TBC1D22A: variants seen among roughly 807,000 people sequenced by gnomAD.
TBC1D22A encodes TBC1 domain family member 22A, also known as putative GTPase activator.
A neutral mutation model predicts 60.2 loss-of-function variants in TBC1D22A; 38 were observed. That is an observed-to-expected ratio of 0.63 (90% confidence interval 0.49 to 0.83). The LOEUF is 0.83. Among genes scored for constraint, TBC1D22A ranks in the 40% least tolerant of loss-of-function variants. The pLI, the probability that TBC1D22A is intolerant of heterozygous loss-of-function variation, is 0.00. For missense variants in TBC1D22A, 628 were observed against 701.0 expected (o/e 0.90, Z 1.18); for synonymous variants, 302 against 281.7 (o/e 1.07, Z -0.72).
At chr22:46,780,978 C>T (rs932590456) in intron 1 of TBC1D22A, among the ~76,000 whole-genome samples, 6 of 152,110 alleles carry the variant, frequency 3.9e-5, no homozygotes, top group African/African-American at 1.4e-4. Flanking sequence ...GTAAAGACAG[C>T]TCTGGGCACA....
rs1364592563 is a variant in TBC1D22A, at chr22:47,077,242, A to C, written c.1330-34266A>C. ...GGCCATTCCCCAACTCTCTGTGTGC[A>C]TTCACTACTCTTGTACATACTATCT... On this transcript the variant is annotated intron_variant, in intron 11 of 12. Coordinates refer to ENST00000337137, the MANE Select transcript of TBC1D22A (RefSeq NM_014346.5). 2.0e-5 allele frequency among the ~76,000 whole-genome samples: 3 copies of C among 152,190 alleles called. No homozygotes were observed. In the South Asian group the frequency reaches 6.2e-4, roughly 32 times the overall value.
intron 10 of TBC1D22A, among the ~76,000 whole-genome samples, chr22:46,999,366 A>G (rs1379780569): frequency 6.6e-6 from 1 of 152,224 alleles, no homozygotes; most frequent in Non-Finnish European, 1.5e-5. Context: ...TTAAAGGATC[A>G]GTGCTTCACA....
intron 12 of TBC1D22A, among the ~76,000 whole-genome samples, chr22:47,160,019 CACATGTGCAT>C (rs1305700197): frequency 2.0e-5 from 3 of 152,122 alleles, no homozygotes; most frequent in Non-Finnish European, 4.4e-5. Flanking sequence ...ACCATATACA[CACATGTGCAT>C]CACACACCAC....
intron 4 of TBC1D22A, among the ~76,000 whole-genome samples, chr22:46,852,044 T>G (rs960622703): frequency 6.6e-6 from 1 of 152,142 alleles, no homozygotes; most frequent in African/African-American, 2.4e-5. Context: ...TCGTGGGCAC[T>G]GTGGTGGGGC....
intron 4 of TBC1D22A, among the ~76,000 whole-genome samples, chr22:46,830,653 G>T (rs1208986311): frequency 6.6e-6 from 1 of 152,238 alleles, no homozygotes; most frequent in Non-Finnish European, 1.5e-5. Flanking sequence ...CAATGGGCAG[G>T]AATGTATAAT....
chr22:46,871,481 A>G (rs112071720), intron 4 of TBC1D22A, among the ~76,000 whole-genome samples: 193 of 152,372 alleles, frequency 1.3e-3, no homozygotes, highest in Non-Finnish European at 2.4e-3. Context: ...TATAGTAAAT[A>G]TCAGAGGGTT....
At chr22:46,985,528 A>G (rs561857309) in intron 9 of TBC1D22A, among the ~76,000 whole-genome samples, 58 of 152,370 alleles carry the variant, frequency 3.8e-4, no homozygotes, top group African/African-American at 1.3e-3. Flanking sequence ...AATGAAAATT[A>G]AAAAATTCAA....
At chr22:47,153,512 C>T (rs957974435) in intron 12 of TBC1D22A, among the ~76,000 whole-genome samples, 18 of 151,002 alleles carry the variant, frequency 1.2e-4, no homozygotes, top group Non-Finnish European at 2.5e-4. Flanking sequence ...GAAGGGGGCC[C>T]GGTCTGCCTG....
intron 11 of TBC1D22A, among the ~76,000 whole-genome samples, chr22:47,056,231 C>T (rs770116969): frequency 1.5e-4 from 23 of 151,954 alleles, no homozygotes; most frequent in Non-Finnish European, 3.1e-4. Flanking sequence ...GTAGACTGCT[C>T]GCCTTCCTCC....
chr22:46,819,904 T>C (rs1602003882), intron 4 of TBC1D22A, among the ~76,000 whole-genome samples: 1 of 152,202 alleles, frequency 6.6e-6, no homozygotes, highest in African/African-American at 2.4e-5. Context: ...AATTACTGCC[T>C]CAATTTCAGA....
At chr22:46,985,070 T>C (rs1265539906) in intron 9 of TBC1D22A, among the ~76,000 whole-genome samples, 1 of 152,214 alleles carries the variant, frequency 6.6e-6, no homozygotes, top group Non-Finnish European at 1.5e-5. Context: ...CTCAGGCAGC[T>C]GGAACTTAGA....
At chr22:46,949,287 A>G (rs1389500767) in intron 8 of TBC1D22A, among the ~76,000 whole-genome samples, 1 of 152,258 alleles carries the variant, frequency 6.6e-6, no homozygotes, top group Non-Finnish European at 1.5e-5. Context: ...TCAGGGAGTC[A>G]GAGGCTGTGA....
intron 8 of TBC1D22A, chr22:46,913,985 TC>T (rs2070154654): frequency 1.3e-5 from 2 of 159,090 alleles, no homozygotes; most frequent in Admixed American, 6.5e-5. Flanking sequence ...CCTTCCTGCG[TC>T]CCCATCCTTC....
At chr22:47,126,870 G>A (rs372404498) in intron 12 of TBC1D22A, among the ~76,000 whole-genome samples, 4 of 152,334 alleles carry the variant, frequency 2.6e-5, no homozygotes, top group Admixed American at 6.5e-5. Flanking sequence ...TGAACTTCTC[G>A]TCCAGAAAGG....
At chr22:47,062,087 CAAAAAA>C (rs908701365) in intron 11 of TBC1D22A, among the ~76,000 whole-genome samples, 3 of 63,006 alleles carry the variant, frequency 4.8e-5, no homozygotes, top group African/African-American at 2.2e-4. Context: ...GACTCCATCT[CAAAAAA>C]AAAAAAAAAA....
chr22:46,863,366 G>A (rs906096141), intron 4 of TBC1D22A, among the ~76,000 whole-genome samples: 2 of 152,176 alleles, frequency 1.3e-5, no homozygotes, highest in African/African-American at 2.4e-5. Context: ...TAGTAGATTC[G>A]GAATGTCTCT....
Position 46,793,586 on chromosome 22 carries a change from A to G in TBC1D22A, c.205A>G (p.Ser69Gly). ...STFQEFESNT[S>G]DAWDAGEDDD... The stretch of plus-strand genomic sequence containing the variant: ...CTTCCAGGAGTTTGAGAGCAATACC[A>G]GCGATGCCTGGGACGCTGGGGAGGA... The change falls in exon 3 of 13, where the codon AGC becomes GGC. Residue 69 changes from serine to glycine, a missense_variant. Coordinates refer to ENST00000337137, the MANE Select transcript of TBC1D22A (RefSeq NM_014346.5). 2 of 1,614,074 alleles carry G rather than the reference A, an allele frequency of 1.2e-6. No homozygotes were observed. Among genetic ancestry groups the G allele is most frequent in the Non-Finnish European group, 1.7e-6 (2 of 1,180,050 alleles).
In TBC1D22A at chr22:46,996,007, C is replaced by T. The variant is rs190189990; in HGVS notation, c.1126-1627C>T. On this transcript the variant is annotated intron_variant, in intron 9 of 12. Coordinates refer to ENST00000337137, the MANE Select transcript of TBC1D22A (RefSeq NM_014346.5). ...GCCGGGTGCCACGTGGACAGCTGCC[C>T]GTGTAGACCTGCCCCGCTGCCACGC... 2.0e-3 allele frequency among the ~76,000 whole-genome samples: 305 copies of T among 152,348 alleles called. 1 individual carries two copies. Among genetic ancestry groups the T allele is most frequent in the Admixed American group, 5.1e-3 (78 of 15,306 alleles).
intron 11 of TBC1D22A, among the ~76,000 whole-genome samples, chr22:47,057,149 G>C (rs1258230476): frequency 6.6e-6 from 1 of 152,214 alleles, no homozygotes; most frequent in Non-Finnish European, 1.5e-5. Context: ...TGTCAAGTTT[G>C]GTCATTTTAG....
Sources: allele counts gnomAD v4.1 joint callset (sites outside exome capture counted in the v4.1 genomes callset), GRCh38; gene constraint gnomAD v4.1.1; transcripts MANE v1.5; gene names NCBI Gene and HGNC (gene_info 2026-07-23, HGNC 2026-07-21).